The following MMP15 variants were observed in gnomAD, a reference collection of about 807,000 sequenced individuals.
MMP15 encodes the protein matrix metalloproteinase-15.
MMP15 carries 36 observed loss-of-function variants against 65.0 expected under a neutral mutation model. The observed-to-expected ratio is 0.55, with a 90% CI of 0.42 to 0.73. MMP15 has a LOEUF of 0.73. Ranked by LOEUF, MMP15 falls within the 30% of genes least tolerant of loss-of-function variation. The probability of loss-of-function intolerance (pLI) is 0.00; values close to 1 mark genes in which losing one functional copy is unlikely to be tolerated. For missense variants in MMP15, 870 were observed against 987.8 expected (o/e 0.88, Z 1.60); for synonymous variants, 428 against 410.2 (o/e 1.04, Z -0.52).
intron 4 of MMP15, 68 bp downstream of exon 4, chr16:58,040,250 G>A: frequency 6.6e-7 from 1 of 1,507,150 alleles, no homozygotes. Context: ...ACACCCTGCT[G>A]AGTGGGTTCA....
chr16:58,041,721 C>A lies in MMP15; in HGVS notation c.1015C>A (p.Pro339Thr). 1 of 1,589,128 alleles carries A rather than the reference C, an allele frequency of 6.3e-7. No homozygotes were observed. The highest frequency in any genetic ancestry group is 8.6e-7 in the Non-Finnish European group (1 of 1,167,592). The change falls in exon 6 of 10, where the codon CCC becomes ACC. Residue 339 changes from proline to threonine, a missense_variant. By Grantham distance (38) the Pro-to-Thr change is conservative. Coordinates refer to ENST00000219271, the MANE Select transcript of MMP15 (RefSeq NM_002428.4). ...GCCGCCCCGGCCTCCCCAGCCACCA[C>A]CCCCAGGTGGGAAGCCAGAGCGGCC... ...HRPPRPPQPP[P>T]PGGKPERPPK...
intron 1 of MMP15, 120 bp from the exon 2 acceptor site, chr16:58,037,352 G>A: frequency 7.7e-7 from 1 of 1,302,998 alleles, no homozygotes; most frequent in Non-Finnish European, 1.1e-6. Flanking sequence ...TGGGCAGGAG[G>A]TGATGACGGC....
chr16:58,041,466 CA>C, intron 5 of MMP15, 150 bp from the exon 6 acceptor site: 1 of 793,602 alleles, frequency 1.3e-6, no homozygotes. Context: ...ACCCAGGTCC[CA>C]CCGAGGATGG....
In MMP15 at chr16:58,037,633, C is replaced by A. The variant is rs763246696; in HGVS notation, c.311+13C>A. On this transcript the variant is annotated intron_variant, in intron 2 of 9. Transcript: ENST00000219271. ...AAGAGACCAAGGAGTGAGTTCCCCCCACCATCCACACCCCACAGGCACCTG... is the reference window on the plus strand; with the variant it reads ...AAGAGACCAAGGAGTGAGTTCCCCCAACCATCCACACCCCACAGGCACCTG... The A allele has an allele frequency of 6.2e-7, 1 of 1,614,042 alleles. No individual in the cohort carries two copies. Among genetic ancestry groups the A allele is most frequent in the South Asian group, 1.1e-5 (1 of 91,080 alleles).
intron 5 of MMP15, 193 bp downstream of exon 5, chr16:58,040,891 C>T (rs1372292576): frequency 3.7e-6 from 3 of 818,776 alleles, no homozygotes; most frequent in Admixed American, 4.2e-5. Context: ...GCCTCCAGGG[C>T]CTGGGCCTCA....
intron 1 of MMP15, 99 bp downstream of exon 1, chr16:58,026,611 G>T: frequency 1.6e-6 from 2 of 1,229,608 alleles, no homozygotes; most frequent in Non-Finnish European, 2.1e-6. Context: ...GAGCGGAGAC[G>T]CGCCCCCTGT....
intron 5 of MMP15, 34 bp from the exon 6 acceptor site, chr16:58,041,583 C>T (rs1199903546): frequency 7.0e-6 from 11 of 1,560,320 alleles, no homozygotes; most frequent in Non-Finnish European, 9.5e-6. Context: ...AGTAGGAACA[C>T]AGACCTCACT....
chr16:58,031,937 G>A (rs374056259), intron 1 of MMP15, among the ~76,000 whole-genome samples: 2 of 134,920 alleles, frequency 1.5e-5, no homozygotes, highest in East Asian at 2.3e-4. Context: ...GCGTGATCTC[G>A]GCTCACTGCA....
At chr16:58,044,457 T>C (rs992547833) in intron 9 of MMP15, among the ~76,000 whole-genome samples, 13 of 152,200 alleles carry the variant, frequency 8.5e-5, no homozygotes, top group African/African-American at 3.1e-4. Context: ...GCTTTGCCAG[T>C]GCTCAGGCCA....
chr16:58,036,695 C>G (rs1188339620), intron 1 of MMP15, among the ~76,000 whole-genome samples: 1 of 152,210 alleles, frequency 6.6e-6, no homozygotes, highest in African/African-American at 2.4e-5. Flanking sequence ...CTGTCCTGCC[C>G]TTGAGCCTGG....
At chr16:58,039,223 G>A (rs1319583799) in intron 3 of MMP15, among the ~76,000 whole-genome samples, 2 of 152,164 alleles carry the variant, frequency 1.3e-5, no homozygotes, top group African/African-American at 2.4e-5. Context: ...AGCTGAGGTC[G>A]GGAGTTCGAA....
chr16:58,045,359 C>T lies in MMP15; in HGVS notation c.1923C>T (p.Gly641=). The T allele has an allele frequency of 1.2e-6, 2 of 1,600,480 alleles. No homozygotes were observed. Among genetic ancestry groups the T allele is most frequent in the Non-Finnish European group, 1.7e-6 (2 of 1,175,600 alleles). ...VPLLLLLCVL[G]LTYALVQMQR... ...TGCTGCTGCTGCTCTGCGTCCTGGG[C>T]CTCACCTACGCGCTGGTGCAGATGC... is the stretch of plus-strand genomic sequence containing the variant. The change falls in exon 10 of 10, where the codon GGC becomes GGT. Residue 641 remains glycine (G), a synonymous_variant. Transcript: ENST00000219271.
intron 7 of MMP15, among the ~76,000 whole-genome samples, chr16:58,042,983 G>A (rs763597122): frequency 6.6e-5 from 10 of 152,312 alleles, no homozygotes; most frequent in Middle Eastern, 3.4e-3. Flanking sequence ...GCTGTGGGTG[G>A]CATGTGGCGT....
Position 58,045,216 on chromosome 16 carries a change from G to T in MMP15, c.1780G>T (p.Val594Leu). 1 of 1,597,710 alleles carries T rather than the reference G, an allele frequency of 6.3e-7. No individual in the cohort carries two copies. Among genetic ancestry groups the T allele is most frequent in the Non-Finnish European group, 8.5e-7 (1 of 1,173,368 alleles). Reference protein sequence around the residue: ...EPGADSAEGDVGDGDGDFGAG... With the variant: ...EPGADSAEGDLGDGDGDFGAG... ...CGGGGCGGACAGCGCAGAGGGCGAC[G>T]TGGGGGATGGGGATGGGGACTTTGG... The change falls in exon 10 of 10, where the codon GTG (valine) becomes TTG (leucine). Residue 594 changes from valine (V) to leucine (L), a missense_variant. By Grantham distance (32) the Val-to-Leu change is conservative. Transcript: ENST00000219271.
intron 4 of MMP15, 149 bp from the exon 5 acceptor site, chr16:58,040,388 T>C (rs559524775): frequency 9.1e-7 from 1 of 1,097,578 alleles, no homozygotes; most frequent in South Asian, 1.6e-5. Flanking sequence ...ATTTCTCAGA[T>C]GGGGTTGTTG....
chr16:58,044,667 C>A (rs1208533976), intron 9 of MMP15, among the ~76,000 whole-genome samples: 6 of 152,176 alleles, frequency 3.9e-5, no homozygotes, highest in Admixed American at 3.9e-4. Context: ...TTGAGCAAGA[C>A]CCCAAACCTC....
Position 58,029,915 on chromosome 16 carries a change from G to A in MMP15, c.162+3403G>A, listed in dbSNP as rs41457047. Among the ~76,000 whole-genome samples, 516 of 152,184 alleles carry A rather than the reference G, an allele frequency of 3.4e-3. 3 individuals carry two copies. Among genetic ancestry groups the A allele is most frequent in the African/African-American group, 0.011 (475 of 41,508 alleles). Reference sequence around the variant, plus strand: ...AGGCGTGGAAAAGCCCCTCCCTGCCGAGCGGTTTGTTCTGCTGTCCCTCTG... The same window carrying A: ...AGGCGTGGAAAAGCCCCTCCCTGCCAAGCGGTTTGTTCTGCTGTCCCTCTG... On this transcript the variant is annotated intron_variant, in intron 1 of 9. Coordinates refer to ENST00000219271, the MANE Select transcript of MMP15 (RefSeq NM_002428.4).
At position 58,043,302 on chromosome 16, in the gene MMP15, A is replaced by G. The variant is rs1959490689; in HGVS notation, c.1396A>G (p.Ile466Val). Residue 466 changes from isoleucine (I) to valine (V), a missense_variant, in exon 8 of 10, where the codon ATT (isoleucine) becomes GTT (valine). Transcript: ENST00000219271. ...TGGCCTGGGCATCCCCTATGACCGC[A>G]TTGACACGGCCATCTGGTGGGAGCC... The part of the protein sequence containing the change: ...SYGLGIPYDR[I>V]DTAIWWEPTG... 1 of 1,606,242 alleles carries G rather than the reference A, an allele frequency of 6.2e-7. No homozygotes were observed. Among genetic ancestry groups the G allele is most frequent in the African/African-American group, 1.3e-5 (1 of 74,860 alleles).
At chr16:58,027,078 G>C (rs1340705426) in intron 1 of MMP15, among the ~76,000 whole-genome samples, 3 of 152,240 alleles carry the variant, frequency 2.0e-5, no homozygotes, top group Non-Finnish European at 4.4e-5. Context: ...CAGCGGACTC[G>C]GGTTGCGGGG....
Sources: gnomAD v4.1 joint callset for allele counts (sites outside exome capture counted in the v4.1 genomes callset) on GRCh38, gnomAD v4.1.1 for gene constraint, MANE v1.5 for transcripts, NCBI Gene and HGNC (gene_info 2026-07-23, HGNC 2026-07-21) for gene names.